LIPN: variants seen among roughly 807,000 people sequenced by gnomAD.
The protein encoded by LIPN is lipase member N.
LIPN carries 32 observed loss-of-function variants against 43.7 expected under a neutral mutation model. That is an observed-to-expected ratio of 0.73 (90% confidence interval 0.55 to 0.98). The LOEUF (loss-of-function observed/expected upper bound fraction) is 0.98. Ranked by LOEUF, LIPN falls within the 50% of genes least tolerant of loss-of-function variation. The pLI, the probability that LIPN is intolerant of heterozygous loss-of-function variation, is 0.00. For synonymous variants in LIPN, 156 were observed against 157.6 expected (o/e 0.99, Z 0.08); for missense variants, 505 against 483.8 (o/e 1.04, Z -0.41).
chr10:88,767,325 T>A (rs569732337), intron 5 of LIPN, among the ~76,000 whole-genome samples: 1 of 151,832 alleles, frequency 6.6e-6, no homozygotes, highest in Non-Finnish European at 1.5e-5. Flanking sequence ...ATCAAAGAAC[T>A]CATAGGAGAT....
At chr10:88,767,773 C>T (rs1482506300) in intron 5 of LIPN, among the ~76,000 whole-genome samples, 1 of 144,618 alleles carries the variant, frequency 6.9e-6, no homozygotes, top group Non-Finnish European at 1.5e-5. Flanking sequence ...GCATTTTGGA[C>T]AGAGCAATTT....
chr10:88,766,266 CAG>C lies in LIPN; in HGVS notation c.426-2_426-1del. On this transcript the variant is annotated splice_acceptor_variant, in intron 4 of 9. Transcript: ENST00000404459. LOFTEE classifies it high-confidence loss of function. ...TTATAAAAGCCCCTGTTTTATTTTGCAGTTTTGATGAAATGGCCAAATATGAT... is the reference window on the plus strand; with the variant it reads ...TTATAAAAGCCCCTGTTTTATTTTGCTTTTGATGAAATGGCCAAATATGAT... 6.9e-7 allele frequency: 1 copy of C among 1,449,620 alleles called. No individual in the cohort carries two copies. Among genetic ancestry groups the C allele is most frequent in the Non-Finnish European group, 9.6e-7 (1 of 1,036,486 alleles). The allele number at this position is 1,449,620 out of a possible 1,614,324, so 89.8% of individuals were successfully genotyped here.
At chr10:88,771,423 C>A (rs1016727481) in intron 7 of LIPN, among the ~76,000 whole-genome samples, 22 of 151,780 alleles carry the variant, frequency 1.4e-4, no homozygotes, top group African/African-American at 5.1e-4. Context: ...CCCCTACTAC[C>A]TTTCCCAGCC....
chr10:88,777,851 T>C (rs1219987654), intron 9 of LIPN, among the ~76,000 whole-genome samples, 158 bp from the exon 10 acceptor site: 1 of 152,206 alleles, frequency 6.6e-6, no homozygotes, highest in East Asian at 1.9e-4. Flanking sequence ...GCTCCCTCTT[T>C]TGCAAATTTC....
chr10:88,767,669 A>C lies in LIPN; in HGVS notation c.536-1123A>C, dbSNP rs1410433526. Among the ~76,000 whole-genome samples the C allele has an allele frequency of 2.2e-3, 184 of 82,884 alleles. 2 individuals are homozygous for C. Among genetic ancestry groups the C allele is most frequent in the African/African-American group, 6.9e-3 (169 of 24,540 alleles). The allele number at this position is 82,884 out of a possible 152,430, so 54.4% of individuals were successfully genotyped here. A position where few individuals can be genotyped will look rare whatever the true frequency, so the allele number is the denominator to read the frequency against. ...CAAAAAAAAAAAAAAAAAAAAAAAA[A>C]AAAAAAAAAAAAAAAAAAAAAAACC... On this transcript the variant is annotated intron_variant, in intron 5 of 9. Transcript: ENST00000404459.
At position 88,767,191 on chromosome 10, in the gene LIPN, G is replaced by C. The variant is rs566162531; in HGVS notation, c.535+813G>C. ...TGAAAGTGCAATATTTCAGTTTAGG[G>C]AAATATTTTCATTATCACCACTATC... is the stretch of plus-strand genomic sequence containing the variant. On this transcript the variant is annotated intron_variant, in intron 5 of 9. Transcript: ENST00000404459. Among the ~76,000 whole-genome samples, 8 of 151,832 alleles carry C rather than the reference G, an allele frequency of 5.3e-5. No individual in the cohort carries two copies. The South Asian group carries it at 1.7e-3, about 32-fold the overall frequency.
chr10:88,768,852 T>C lies in LIPN; in HGVS notation c.596T>C (p.Leu199Ser). 1 of 1,611,592 alleles carries C rather than the reference T, an allele frequency of 6.2e-7. No individual in the cohort carries two copies. Among genetic ancestry groups the C allele is most frequent in the African/African-American group, 1.3e-5 (1 of 74,874 alleles). ...LAQRIKMNFALGPTISFKYPT... is the reference protein window; with the variant it reads ...LAQRIKMNFASGPTISFKYPT... ...CAAAGAATCAAAATGAATTTTGCCT[T>C]GGGTCCTACGATCTCATTCAAATAT... Residue 199 changes from leucine to serine, a missense_variant, in exon 6 of 10, where the codon TTG (leucine) becomes TCG (serine). Physicochemically the swap from Leu to Ser is moderately radical, Grantham distance 145. Coordinates refer to ENST00000404459, the MANE Select transcript of LIPN (RefSeq NM_001102469.2).
intron 9 of LIPN, among the ~76,000 whole-genome samples, chr10:88,775,647 A>C (rs1425666118): frequency 1.3e-5 from 2 of 152,214 alleles, no homozygotes; most frequent in African/African-American, 4.8e-5. Context: ...AGTATTACCC[A>C]ACATTGAAGA....
intron 5 of LIPN, 40 bp downstream of exon 5, chr10:88,766,418 G>A: frequency 8.2e-7 from 1 of 1,213,402 alleles, no homozygotes; most frequent in East Asian, 2.3e-5. Flanking sequence ...GTTTTTGAGG[G>A]TCAGTTTTCT....
At chr10:88,766,242 T>C (rs1178933828) in intron 4 of LIPN, 27 bp from the exon 5 acceptor site, 1 of 1,110,528 alleles carries the variant, frequency 9.0e-7, no homozygotes, top group South Asian at 1.3e-5. Context: ...TGCAAGTATT[T>C]ATAAAAGCCC....
chr10:88,769,285 C>T (rs186419865), intron 6 of LIPN, among the ~76,000 whole-genome samples: 3 of 151,966 alleles, frequency 2.0e-5, no homozygotes, highest in African/African-American at 7.2e-5. Flanking sequence ...AAATGAAAGA[C>T]ACTTCAAGTT....
chr10:88,775,305 TTTAA>T, intron 9 of LIPN, 142 bp downstream of exon 9: 1 of 423,678 alleles, frequency 2.4e-6, no homozygotes, highest in East Asian at 4.2e-5. Context: ...TAATTTTAAT[TTTAA>T]TTTATTTCAG....
chr10:88,762,519 C>T (rs980831524), intron 3 of LIPN, among the ~76,000 whole-genome samples: 2 of 152,076 alleles, frequency 1.3e-5, no homozygotes, highest in African/African-American at 2.4e-5. Flanking sequence ...ACTGATCTTG[C>T]TAACTGCAAC....
At chr10:88,768,209 G>A (rs1412638178) in intron 5 of LIPN, among the ~76,000 whole-genome samples, 2 of 151,838 alleles carry the variant, frequency 1.3e-5, no homozygotes, top group East Asian at 1.9e-4. Flanking sequence ...AAATGGAGAT[G>A]CCTGGTCCTT....
At position 88,774,470 on chromosome 10, in the gene LIPN, T is replaced by C. The variant is rs748327839; in HGVS notation, c.820-3T>C. The C allele has an allele frequency of 3.7e-6, 6 of 1,607,640 alleles. No individual in the cohort carries two copies. The highest frequency in any genetic ancestry group is 5.1e-6 in the Non-Finnish European group (6 of 1,175,836). Reference sequence around the variant, plus strand: ...GCTGTAATATGAGTTTTATCTCCTTTAGAGTCGAATGGATGTGTATATGTC... The same window carrying C: ...GCTGTAATATGAGTTTTATCTCCTTCAGAGTCGAATGGATGTGTATATGTC... On this transcript the variant is annotated splice_polypyrimidine_tract_variant and splice_region_variant and intron_variant, in intron 7 of 9. Coordinates refer to ENST00000404459, the MANE Select transcript of LIPN (RefSeq NM_001102469.2).
intron 5 of LIPN, among the ~76,000 whole-genome samples, chr10:88,766,828 C>T (rs399496): frequency 0.8 from 120,763 of 151,874 alleles, 49,030 homozygotes; most frequent in East Asian, 1. Context: ...TTTAAACAAA[C>T]TGAAAAGGCA....
intron 3 of LIPN, among the ~76,000 whole-genome samples, chr10:88,763,573 G>A (rs1049152726): frequency 6.6e-6 from 1 of 152,018 alleles, no homozygotes; most frequent in Non-Finnish European, 1.5e-5. Flanking sequence ...AGGCACAACC[G>A]GTTATGTTAA....
chr10:88,772,659 T>C (rs1289653438), intron 7 of LIPN, among the ~76,000 whole-genome samples: 3 of 151,830 alleles, frequency 2.0e-5, no homozygotes, highest in Non-Finnish European at 4.4e-5. Flanking sequence ...TATTACAGGT[T>C]TGTAGTATAA....
chr10:88,764,633 AG>A, intron 4 of LIPN, 25 bp downstream of exon 4: 2 of 1,533,108 alleles, frequency 1.3e-6, no homozygotes, highest in Non-Finnish European at 1.8e-6. Context: ...AGAAAACTCA[AG>A]GGGGAAATTG....
Sources: allele counts gnomAD v4.1 joint callset (sites outside exome capture counted in the v4.1 genomes callset), GRCh38; gene constraint gnomAD v4.1.1; transcripts MANE v1.5; gene names NCBI Gene and HGNC (gene_info 2026-07-23, HGNC 2026-07-21).